Variants in CSMD1 observed in about 807,000 individuals in gnomAD.
CSMD1 encodes CUB and Sushi multiple domains 1.
A neutral mutation model predicts 417.5 loss-of-function variants in CSMD1; 213 were observed. That is an observed-to-expected ratio of 0.51 (90% CI 0.46 to 0.57). The LOEUF (loss-of-function observed/expected upper bound fraction) is 0.57, where lower values mean the gene tolerates loss of function less well. Among genes scored for constraint, CSMD1 ranks in the 20% least tolerant of loss-of-function variants. CSMD1 has a pLI of 0.00. For synonymous variants in CSMD1, 2,862 were observed against 1,736.8 expected (o/e 1.65, Z -16.11); for missense variants, 6,923 against 4,529.7 (o/e 1.53, Z -15.17).
intron 3 of CSMD1, among the ~76,000 whole-genome samples, chr8:4,359,611 G>T (rs10100309): frequency 0.058 from 8,836 of 152,242 alleles, 302 homozygotes; most frequent in South Asian, 0.091. Flanking sequence ...ATTAACTCAA[G>T]AGTCAATGAA....
chr8:3,206,502 G>C (rs113293783), intron 30 of CSMD1, among the ~76,000 whole-genome samples: 13,447 of 125,862 alleles, frequency 0.11, 1,262 homozygotes, highest in Admixed American at 0.15. Context: ...GTGGGTGTAT[G>C]TGTGTGTGGT....
At chr8:4,546,810 A>C (rs576393558) in intron 2 of CSMD1, among the ~76,000 whole-genome samples, 1 of 151,832 alleles carries the variant, frequency 6.6e-6, no homozygotes, top group East Asian at 1.9e-4. Flanking sequence ...GCATAGTTAT[A>C]TTTATAATTA....
chr8:3,731,754 C>A (rs764638361), intron 6 of CSMD1, among the ~76,000 whole-genome samples: 4 of 152,100 alleles, frequency 2.6e-5, no homozygotes, highest in Non-Finnish European at 5.9e-5. Flanking sequence ...AGATGATGAG[C>A]AATACCAATA....
intron 7 of CSMD1, among the ~76,000 whole-genome samples, chr8:3,681,933 A>T (rs1029524529): frequency 2.0e-5 from 3 of 152,240 alleles, no homozygotes; most frequent in African/African-American, 7.2e-5. Flanking sequence ...AAAAACAAGA[A>T]ATGGGGAAAG....
chr8:4,884,701 G>T (rs1029110240), intron 1 of CSMD1, among the ~76,000 whole-genome samples: 1 of 151,964 alleles, frequency 6.6e-6, no homozygotes, highest in African/African-American at 2.4e-5. Context: ...TTTATTTTTG[G>T]ACTCTCAGTT....
chr8:4,143,912 G>A (rs375979898), intron 3 of CSMD1, among the ~76,000 whole-genome samples: 1 of 151,204 alleles, frequency 6.6e-6, no homozygotes, highest in Admixed American at 6.6e-5. Context: ...TTAAAGGCTG[G>A]GGTGAATTGG....
intron 1 of CSMD1, among the ~76,000 whole-genome samples, chr8:4,774,904 G>C (rs1283963453): frequency 6.6e-6 from 1 of 152,276 alleles, no homozygotes; most frequent in Non-Finnish European, 1.5e-5. Context: ...CTCCGCAGAA[G>C]CCAGGCAGCT....
At chr8:4,385,899 A>G (rs1158093792) in intron 3 of CSMD1, among the ~76,000 whole-genome samples, 1 of 152,206 alleles carries the variant, frequency 6.6e-6, no homozygotes, top group East Asian at 1.9e-4. Context: ...ATTTTCTCAG[A>G]ACCAGTTCTC....
intron 5 of CSMD1, among the ~76,000 whole-genome samples, chr8:3,977,690 A>G (rs1408970554): frequency 2.6e-5 from 4 of 152,156 alleles, no homozygotes; most frequent in Non-Finnish European, 4.4e-5. Context: ...TAAATCACCA[A>G]CTTTCTCTTT....
intron 5 of CSMD1, among the ~76,000 whole-genome samples, chr8:3,831,534 G>T (rs1033934065): frequency 1.3e-5 from 2 of 152,098 alleles, no homozygotes; most frequent in South Asian, 2.1e-4. Flanking sequence ...ACAGGCTGGA[G>T]GAAAATGTTG....
intron 3 of CSMD1, among the ~76,000 whole-genome samples, chr8:4,183,163 G>A (rs983987329): frequency 6.6e-6 from 1 of 152,118 alleles, no homozygotes; most frequent in Non-Finnish European, 1.5e-5. Context: ...TAATGCGTAA[G>A]TGCAGTATAG....
chr8:3,648,801 C>G (rs114207738), intron 7 of CSMD1, among the ~76,000 whole-genome samples: 3,093 of 151,494 alleles, frequency 0.02, 109 homozygotes, highest in African/African-American at 0.071. Flanking sequence ...CTTTACGCGG[C>G]ACCCCTCTCA....
At chr8:3,959,401 A>C (rs1224769125) in intron 5 of CSMD1, among the ~76,000 whole-genome samples, 1 of 152,226 alleles carries the variant, frequency 6.6e-6, no homozygotes, top group Non-Finnish European at 1.5e-5. Context: ...CAAGAGGCTG[A>C]AGTGGGAAGA....
intron 25 of CSMD1, among the ~76,000 whole-genome samples, chr8:3,305,071 A>T (rs1804723892): frequency 6.6e-6 from 1 of 152,170 alleles, no homozygotes; most frequent in Non-Finnish European, 1.5e-5. Context: ...TTAAGACTGC[A>T]GTGGTGTGAT....
chr8:4,896,801 C>T (rs1056506575), intron 1 of CSMD1, among the ~76,000 whole-genome samples: 1 of 151,742 alleles, frequency 6.6e-6, no homozygotes, highest in Non-Finnish European at 1.5e-5. Flanking sequence ...CGGGGTAGGG[C>T]GGGGGGAAGT....
chr8:4,846,559 T>A (rs1801158672), intron 1 of CSMD1, among the ~76,000 whole-genome samples: 1 of 152,190 alleles, frequency 6.6e-6, no homozygotes, highest in African/African-American at 2.4e-5. Flanking sequence ...AGATTCTGCT[T>A]TAAACTCATG....
chr8:3,124,284 C>G (rs1229063823), intron 41 of CSMD1, among the ~76,000 whole-genome samples: 1 of 151,986 alleles, frequency 6.6e-6, no homozygotes, highest in East Asian at 1.9e-4. Flanking sequence ...GCGTCTTACT[C>G]TGGTGAATTT....
At position 3,330,978 on chromosome 8, in the gene CSMD1, C is replaced by T. The variant is rs191995483; in HGVS notation, c.3631+12316G>A. Among the ~76,000 whole-genome samples the T allele has an allele frequency of 1.8e-3, 281 of 152,202 alleles. 1 individual carries two copies. The highest frequency in any genetic ancestry group is 6.4e-3 in the African/African-American group (267 of 41,544). ...AAAAGAAAAGCAACAGTGCCGGGCG[C>T]GGTGGCTCACGCCTGTAATCCCAGG... On this transcript the variant is annotated intron_variant, in intron 23 of 69. Transcript: ENST00000635120.
chr8:3,896,723 G>A (rs1165430043), intron 5 of CSMD1, among the ~76,000 whole-genome samples: 2 of 151,904 alleles, frequency 1.3e-5, no homozygotes, highest in African/African-American at 4.8e-5. Context: ...CATTAGCCAG[G>A]ATGGTCTCGA....
Sources: allele counts gnomAD v4.1 joint callset (sites outside exome capture counted in the v4.1 genomes callset), GRCh38; gene constraint gnomAD v4.1.1; transcripts MANE v1.5; gene names NCBI Gene and HGNC (gene_info 2026-07-23, HGNC 2026-07-21).